GABRG1: variants seen among roughly 807,000 people sequenced by gnomAD.
GABRG1 encodes the protein gamma-aminobutyric acid receptor subunit gamma-1.
A neutral mutation model predicts 49.8 loss-of-function variants in GABRG1; 49 were observed. That is an observed-to-expected ratio of 0.98 (90% CI 0.78 to 1.25). The LOEUF is 1.25. GABRG1 is among the 50% of genes most tolerant of loss of function. The pLI, the probability that GABRG1 is intolerant of heterozygous loss-of-function variation, is 0.00. For missense variants in GABRG1, 552 were observed against 552.3 expected (o/e 1.00, Z 0.01); for synonymous variants, 232 against 185.1 (o/e 1.25, Z -2.06).
chr4:46,037,244 C>T lies in GABRG1; in HGVS notation c.*3744G>A, dbSNP rs558861805. 6.6e-6 allele frequency: 1 copy of T among 151,954 alleles called. No homozygotes were observed. Among genetic ancestry groups the T allele is most frequent in the Non-Finnish European group, 1.5e-5 (1 of 67,856 alleles). The allele number at this position is 151,954 out of a possible 1,614,324, so 9.4% of individuals were successfully genotyped here. A position where few individuals can be genotyped will look rare whatever the true frequency, so the allele number is the denominator to read the frequency against. On this transcript the variant is annotated 3_prime_UTR_variant, in exon 9 of 9. Transcript: ENST00000295452. ...CATATATATTTGAATGAGGTTACCTCACTTCCGAAATGCAAACACAAAAAG... is the reference window on the plus strand; with the variant it reads ...CATATATATTTGAATGAGGTTACCTTACTTCCGAAATGCAAACACAAAAAG...
At chr4:46,105,177 T>A (rs1364637767) in intron 1 of GABRG1, among the ~76,000 whole-genome samples, 1 of 151,362 alleles carries the variant, frequency 6.6e-6, no homozygotes, top group Admixed American at 6.6e-5. Context: ...GGCAGAATGA[T>A]ACTTGCTAAT....
intron 3 of GABRG1, among the ~76,000 whole-genome samples, chr4:46,080,423 A>T (rs1719519438): frequency 6.6e-6 from 1 of 151,820 alleles, no homozygotes; most frequent in Non-Finnish European, 1.5e-5. Context: ...TAGTATCACA[A>T]TGCTTTTCTT....
chr4:46,094,018 C>G (rs570767795), intron 2 of GABRG1, among the ~76,000 whole-genome samples: 3 of 152,012 alleles, frequency 2.0e-5, no homozygotes, highest in Admixed American at 1.3e-4. Context: ...AAAAATATAC[C>G]TAGAACACAG....
At chr4:46,051,132 G>A (rs1337855500) in intron 8 of GABRG1, among the ~76,000 whole-genome samples, 8 of 151,806 alleles carry the variant, frequency 5.3e-5, no homozygotes, top group East Asian at 1.9e-4. Flanking sequence ...ACAAAAAATC[G>A]GATCAAAGGT....
At position 46,036,026 on chromosome 4, in the gene GABRG1, A is replaced by G; in HGVS notation, c.*4962T>C. 6.6e-6 allele frequency: 1 copy of G among 151,964 alleles called. No individual in the cohort carries two copies. The highest frequency in any genetic ancestry group is 1.9e-4 in the East Asian group (1 of 5,184). The allele number at this position is 151,964 out of a possible 1,614,324, so 9.4% of individuals were successfully genotyped here. ...ACAGTGAAGGATTGAAAACCAAACT[A>G]TTTCCATTTAGGTAAATCATGTCTC... On this transcript the variant is annotated 3_prime_UTR_variant, in exon 9 of 9. Transcript: ENST00000295452.
At chr4:46,062,922 C>T (rs1258735572) in intron 5 of GABRG1, among the ~76,000 whole-genome samples, 1 of 151,866 alleles carries the variant, frequency 6.6e-6, no homozygotes, top group African/African-American at 2.4e-5. Flanking sequence ...TTCACAATTG[C>T]TTCAAAGAGA....
intron 1 of GABRG1, among the ~76,000 whole-genome samples, chr4:46,123,480 C>T (rs778609194): frequency 5.3e-5 from 8 of 152,034 alleles, no homozygotes; most frequent in Non-Finnish European, 8.8e-5. Context: ...TCTTCGGTGG[C>T]ATTCATTCAG....
chr4:46,053,092 GT>G (rs2109398965), intron 7 of GABRG1, among the ~76,000 whole-genome samples: 1 of 151,338 alleles, frequency 6.6e-6, no homozygotes, highest in East Asian at 1.9e-4. Flanking sequence ...ATCTTGCTTC[GT>G]AATTGTAGTA....
chr4:46,067,883 G>T (rs1479586201), intron 3 of GABRG1, among the ~76,000 whole-genome samples: 2 of 152,070 alleles, frequency 1.3e-5, no homozygotes, highest in African/African-American at 4.8e-5. Flanking sequence ...AGGTCCAAGA[G>T]ACCCTTATAC....
At chr4:46,044,686 A>C (rs1415784954) in intron 8 of GABRG1, among the ~76,000 whole-genome samples, 1 of 152,054 alleles carries the variant, frequency 6.6e-6, no homozygotes, top group Non-Finnish European at 1.5e-5. Context: ...CAGTATAAGG[A>C]AGGAAGAATG....
chr4:46,070,478 G>A (rs6842161), intron 3 of GABRG1, among the ~76,000 whole-genome samples: 85,780 of 151,684 alleles, frequency 0.57, 24,753 homozygotes, highest in African/African-American at 0.63. Flanking sequence ...AATAGGACAA[G>A]GTCAGCTTCC....
chr4:46,050,159 T>C (rs1560349204), intron 8 of GABRG1, among the ~76,000 whole-genome samples: 1 of 151,968 alleles, frequency 6.6e-6, no homozygotes, highest in Non-Finnish European at 1.5e-5. Context: ...ACTTCTGATT[T>C]GTCCATTCAG....
At chr4:46,070,193 T>C (rs556040421) in intron 3 of GABRG1, among the ~76,000 whole-genome samples, 1 of 152,098 alleles carries the variant, frequency 6.6e-6, no homozygotes, top group African/African-American at 2.4e-5. Flanking sequence ...GAAACAGCTC[T>C]GAACACTGCA....
At chr4:46,122,856 C>A (rs1017392229) in intron 1 of GABRG1, among the ~76,000 whole-genome samples, 6 of 151,948 alleles carry the variant, frequency 3.9e-5, no homozygotes, top group African/African-American at 1.4e-4. Context: ...AAACAAGTTG[C>A]ATGGTATGAG....
At chr4:46,062,407 G>C (rs1228466210) in intron 5 of GABRG1, among the ~76,000 whole-genome samples, 1 of 151,994 alleles carries the variant, frequency 6.6e-6, no homozygotes, top group East Asian at 1.9e-4. Flanking sequence ...GGGAAGGCTG[G>C]GTCAAATGGT....
chr4:46,069,334 T>C (rs977815076), intron 3 of GABRG1, among the ~76,000 whole-genome samples: 5 of 152,182 alleles, frequency 3.3e-5, no homozygotes, highest in Admixed American at 3.3e-4. Context: ...TTAGCAGTAA[T>C]GGAGCTATAG....
At chr4:46,120,761 G>A (rs1038941859) in intron 1 of GABRG1, among the ~76,000 whole-genome samples, 6 of 151,682 alleles carry the variant, frequency 4.0e-5, no homozygotes, top group African/African-American at 1.2e-4. Flanking sequence ...GCAACTGAAT[G>A]CCACATAGTA....
intron 5 of GABRG1, among the ~76,000 whole-genome samples, chr4:46,063,512 C>T: frequency 6.6e-6 from 1 of 152,208 alleles, no homozygotes; most frequent in Admixed American, 6.5e-5. Context: ...GGATCCCTTC[C>T]TTATACCTTA....
intron 1 of GABRG1, among the ~76,000 whole-genome samples, chr4:46,100,939 A>T (rs1403789726): frequency 6.6e-6 from 1 of 151,472 alleles, no homozygotes; most frequent in African/African-American, 2.4e-5. Flanking sequence ...AAGCTATCTA[A>T]GTTATGCTCA....
Sources: gnomAD v4.1 joint callset for allele counts (sites outside exome capture counted in the v4.1 genomes callset) on GRCh38, gnomAD v4.1.1 for gene constraint, MANE v1.5 for transcripts, NCBI Gene and HGNC (gene_info 2026-07-23, HGNC 2026-07-21) for gene names.